The following TEAD4 variants were observed in gnomAD, a reference collection of about 807,000 sequenced individuals.
The protein encoded by TEAD4 is TEA domain transcription factor 4.
TEAD4 carries 36 observed loss-of-function variants against 52.4 expected under a neutral mutation model. The ratio of observed to expected loss-of-function variants is 0.69; its 90% CI spans 0.53 to 0.91. The LOEUF (loss-of-function observed/expected upper bound fraction) is 0.91. TEAD4 is among the 40% of genes least tolerant of loss of function. TEAD4 has a pLI of 0.00. For missense variants in TEAD4, 508 were observed against 583.9 expected (o/e 0.87, Z 1.34); for synonymous variants, 220 against 231.0 (o/e 0.95, Z 0.43).
intron 4 of TEAD4, among the ~76,000 whole-genome samples, chr12:3,011,516 G>A (rs2098260333): frequency 6.6e-6 from 1 of 151,766 alleles, no homozygotes; most frequent in African/African-American, 2.4e-5. Flanking sequence ...ATAGGCGTGA[G>A]CCACCACCCC....
At chr12:3,008,883 C>G (rs967735851) in intron 3 of TEAD4, among the ~76,000 whole-genome samples, 1 of 152,168 alleles carries the variant, frequency 6.6e-6, no homozygotes, top group Non-Finnish European at 1.5e-5. Context: ...GTCTGCCATC[C>G]CCATCCCTCC....
intron 2 of TEAD4, among the ~76,000 whole-genome samples, chr12:2,984,411 A>G (rs911907678): frequency 6.6e-6 from 1 of 152,182 alleles, no homozygotes; most frequent in African/African-American, 2.4e-5. Flanking sequence ...AGCTTGGATT[A>G]GGGCTGTGAG....
chr12:2,966,548 T>C (rs373558822), intron 2 of TEAD4, among the ~76,000 whole-genome samples: 42 of 151,270 alleles, frequency 2.8e-4, no homozygotes, highest in Admixed American at 1.3e-4. Context: ...GTAGCTGGGA[T>C]TACAAGCACA....
intron 2 of TEAD4, among the ~76,000 whole-genome samples, chr12:2,982,773 C>T (rs868280452): frequency 6.6e-6 from 1 of 152,188 alleles, no homozygotes; most frequent in African/African-American, 2.4e-5. Flanking sequence ...TTTCCTGGGA[C>T]AGACCCAATC....
At chr12:2,970,960 C>G (rs1298036471) in intron 2 of TEAD4, among the ~76,000 whole-genome samples, 2 of 152,224 alleles carry the variant, frequency 1.3e-5, no homozygotes, top group African/African-American at 4.8e-5. Context: ...CCAGTGCCTC[C>G]CATACCTCCT....
chr12:3,033,513 CGTGGAGGCAGCAGA>C (rs1465337417), intron 10 of TEAD4, among the ~76,000 whole-genome samples: 2 of 152,238 alleles, frequency 1.3e-5, no homozygotes, highest in African/African-American at 2.4e-5. Flanking sequence ...CGGGCTGCAC[CGTGGAGGCAGCAGA>C]GTACCCCAGG....
intron 5 of TEAD4, among the ~76,000 whole-genome samples, chr12:3,013,044 T>A (rs1257519713): frequency 6.6e-6 from 1 of 152,146 alleles, no homozygotes; most frequent in Non-Finnish European, 1.5e-5. Context: ...CTCGACCTCA[T>A]AAGCTCCAAT....
At chr12:3,001,519 C>T (rs1364485938) in intron 3 of TEAD4, among the ~76,000 whole-genome samples, 2 of 152,228 alleles carry the variant, frequency 1.3e-5, no homozygotes, top group African/African-American at 4.8e-5. Context: ...CGCCTGTAAT[C>T]CCAGCACTTT....
At chr12:2,978,225 A>G (rs1460283264) in intron 2 of TEAD4, among the ~76,000 whole-genome samples, 4 of 152,076 alleles carry the variant, frequency 2.6e-5, no homozygotes, top group Non-Finnish European at 5.9e-5. Context: ...GGTGAAATAT[A>G]TGTAACATAA....
At position 3,018,580 on chromosome 12, in the gene TEAD4, G is replaced by A. The variant is rs71534245; in HGVS notation, c.519G>A (p.Thr173=). Residue 173 remains threonine (T), a synonymous_variant, in exon 7 of 13, where the codon ACG becomes ACA. Transcript: ENST00000359864. The stretch of plus-strand genomic sequence containing the variant: ...GAGCTTTGCCAGGCCAAGCCGGAAC[G>A]TCCCATGAGTGAGTATGGCCTCTGG... The A allele has an allele frequency of 9.7e-3, 15,726 of 1,614,036 alleles. 102 individuals carry two copies. The highest frequency in any genetic ancestry group is 0.012 in the Non-Finnish European group (13,606 of 1,179,940).
At position 3,037,989 on chromosome 12, in the gene TEAD4, G is replaced by A. The variant is rs745449009; in HGVS notation, c.919G>A (p.Glu307Lys). 13 of 1,613,580 alleles carry A rather than the reference G, an allele frequency of 8.1e-6. No homozygotes were observed. Among genetic ancestry groups the A allele is most frequent in the East Asian group, 4.5e-5 (2 of 44,858 alleles). ...CCAGGCAGACCTCAACACCAACATC[G>A]AGGATGAAGGCAGCTCCTTCTATGG... Residue 307 changes from glutamate to lysine, a missense_variant, in exon 11 of 13, where the codon GAG becomes AAG. By Grantham distance (56) the Glu-to-Lys change is moderately conservative. Transcript: ENST00000359864.
At chr12:2,993,369 G>T (rs1413417006) in intron 2 of TEAD4, among the ~76,000 whole-genome samples, 1 of 152,154 alleles carries the variant, frequency 6.6e-6, no homozygotes. Context: ...ATGAAGTCTT[G>T]CTAACTCCTG....
At chr12:2,975,280 G>A (rs1428145866) in intron 2 of TEAD4, among the ~76,000 whole-genome samples, 1 of 151,568 alleles carries the variant, frequency 6.6e-6, no homozygotes, top group Admixed American at 6.6e-5. Context: ...CCCCCAGTCA[G>A]TTTCTCCTAG....
chr12:3,002,288 T>G (rs186120607), intron 3 of TEAD4, among the ~76,000 whole-genome samples: 1 of 152,352 alleles, frequency 6.6e-6, no homozygotes, highest in Non-Finnish European at 1.5e-5. Flanking sequence ...TTTGTATTGC[T>G]TCTACTTTTT....
At chr12:2,990,741 C>T (rs2098242366) in intron 2 of TEAD4, among the ~76,000 whole-genome samples, 1 of 152,156 alleles carries the variant, frequency 6.6e-6, no homozygotes, top group South Asian at 2.1e-4. Flanking sequence ...ACTGGGATTA[C>T]AGGCATGAGC....
chr12:3,038,461 C>T (rs752410131), intron 11 of TEAD4, among the ~76,000 whole-genome samples: 2 of 152,320 alleles, frequency 1.3e-5, no homozygotes, highest in Non-Finnish European at 1.5e-5. Context: ...GGCCTCCCAC[C>T]AATCGCCCGC....
intron 11 of TEAD4, among the ~76,000 whole-genome samples, chr12:3,038,950 C>T (rs2098281052): frequency 6.6e-6 from 1 of 152,202 alleles, no homozygotes; most frequent in African/African-American, 2.4e-5. Flanking sequence ...CGCCCACACA[C>T]TTGTTAAACC....
intron 11 of TEAD4, 81 bp downstream of exon 11, chr12:3,038,189 G>T (rs2098280569): frequency 2.0e-6 from 3 of 1,530,700 alleles, no homozygotes; most frequent in Non-Finnish European, 8.8e-7. Flanking sequence ...CTTTCAGGAG[G>T]AATGCCCTCC....
At chr12:2,971,197 G>A (rs1287130450) in intron 2 of TEAD4, among the ~76,000 whole-genome samples, 3 of 152,188 alleles carry the variant, frequency 2.0e-5, no homozygotes, top group Admixed American at 6.5e-5. Flanking sequence ...ACGAAAGAAC[G>A]TGCACAAGCA....
Sources: allele counts gnomAD v4.1 joint callset (sites outside exome capture counted in the v4.1 genomes callset), GRCh38; gene constraint gnomAD v4.1.1; transcripts MANE v1.5; gene names NCBI Gene and HGNC (gene_info 2026-07-23, HGNC 2026-07-21).